Variants in ERBB4 observed in about 807,000 individuals in gnomAD.
The protein encoded by ERBB4 is erb-b2 receptor tyrosine kinase 4.
In ERBB4, 42 loss-of-function variants were observed where a neutral mutation model predicts 158.0. That is an observed-to-expected ratio of 0.27 (90% CI 0.21 to 0.34). The LOEUF is 0.34. Among genes scored for constraint, ERBB4 ranks in the 10% least tolerant of loss-of-function variants. The probability of loss-of-function intolerance (pLI) is 1.00; values close to 1 mark genes in which losing one functional copy is unlikely to be tolerated. For synonymous variants in ERBB4, 583 were observed against 558.7 expected (o/e 1.04, Z -0.61); for missense variants, 1,333 against 1,624.1 (o/e 0.82, Z 3.08).
intron 19 of ERBB4, among the ~76,000 whole-genome samples, chr2:211,613,142 G>C (rs2069262995): frequency 6.6e-6 from 1 of 152,002 alleles, no homozygotes; most frequent in South Asian, 2.1e-4. Flanking sequence ...GTAGTCTAGT[G>C]AGATGATCTA....
chr2:212,170,103 A>G (rs1230214094), intron 1 of ERBB4, among the ~76,000 whole-genome samples: 1 of 152,196 alleles, frequency 6.6e-6, no homozygotes, highest in Non-Finnish European at 1.5e-5. Flanking sequence ...CCAAAAGAAT[A>G]CAGGAAACTA....
intron 1 of ERBB4, among the ~76,000 whole-genome samples, chr2:212,483,163 G>A (rs146084666): frequency 1.3e-5 from 2 of 152,288 alleles, no homozygotes; most frequent in South Asian, 2.1e-4. Flanking sequence ...AGCAAAGGTC[G>A]TACCATCTGC....
chr2:211,831,522 G>A (rs1397457875), intron 3 of ERBB4, among the ~76,000 whole-genome samples: 1 of 152,048 alleles, frequency 6.6e-6, no homozygotes, highest in Non-Finnish European at 1.5e-5. Context: ...AAACATGACT[G>A]TTATCTAAGA....
At chr2:211,500,001 AAT>A (rs2125589362) in intron 20 of ERBB4, among the ~76,000 whole-genome samples, 1 of 152,280 alleles carries the variant, frequency 6.6e-6, no homozygotes, top group Non-Finnish European at 1.5e-5. Flanking sequence ...GAGTGATGAC[AAT>A]CACTAGCCCC....
At chr2:211,874,459 T>C (rs1269555822) in intron 3 of ERBB4, among the ~76,000 whole-genome samples, 2 of 152,214 alleles carry the variant, frequency 1.3e-5, no homozygotes, top group Admixed American at 1.3e-4. Flanking sequence ...CTTGTGTAAT[T>C]ATTTAATGCT....
chr2:212,129,745 C>T (rs1427121075), intron 1 of ERBB4, among the ~76,000 whole-genome samples: 1 of 151,822 alleles, frequency 6.6e-6, no homozygotes, highest in South Asian at 2.1e-4. Context: ...AAAAAAAGAT[C>T]CTCCAAAAAA....
intron 1 of ERBB4, among the ~76,000 whole-genome samples, chr2:212,171,353 T>A (rs1247344123): frequency 6.6e-6 from 1 of 152,036 alleles, no homozygotes; most frequent in Non-Finnish European, 1.5e-5. Flanking sequence ...TACAGGCTTA[T>A]AGGCAGAGTA....
At chr2:212,260,225 A>T (rs1026187718) in intron 1 of ERBB4, among the ~76,000 whole-genome samples, 2 of 152,124 alleles carry the variant, frequency 1.3e-5, no homozygotes, top group African/African-American at 2.4e-5. Context: ...GAGTATGGGG[A>T]TATGGTATGC....
rs192095031 is a variant in ERBB4, at chr2:212,384,416, G to C, written c.82+154033C>G. 2.9e-4 allele frequency among the ~76,000 whole-genome samples: 43 copies of C among 147,242 alleles called. No homozygotes were observed. The East Asian group carries it at 7.8e-3, about 27-fold the overall frequency. ...TTCTCTCTCCTTCTTGTGACGGAGA[G>C]AGTATATAAGAAAAGGGGCTCTTTG... On this transcript the variant is annotated intron_variant, in intron 1 of 27. Coordinates refer to ENST00000342788, the MANE Select transcript of ERBB4 (RefSeq NM_005235.3).
chr2:211,528,912 T>G (rs1242506680), intron 20 of ERBB4, among the ~76,000 whole-genome samples: 1 of 150,716 alleles, frequency 6.6e-6, no homozygotes, highest in African/African-American at 2.4e-5. Flanking sequence ...GAGGCAAAAC[T>G]TCAAGAAAAT....
At chr2:211,709,235 G>GCA (rs2073574808) in intron 9 of ERBB4, among the ~76,000 whole-genome samples, 27 of 103,206 alleles carry the variant, frequency 2.6e-4, no homozygotes, top group Admixed American at 2.5e-3. Context: ...GCGTGTGTGT[G>GCA]TATATATATA....
At chr2:211,599,344 T>G (rs2068729324) in intron 19 of ERBB4, among the ~76,000 whole-genome samples, 1 of 152,170 alleles carries the variant, frequency 6.6e-6, no homozygotes, top group Non-Finnish European at 1.5e-5. Flanking sequence ...CAAAGAAATC[T>G]CTGAATGGAA....
intron 3 of ERBB4, among the ~76,000 whole-genome samples, chr2:211,810,214 T>C (rs2076717361): frequency 6.6e-6 from 1 of 152,220 alleles, no homozygotes; most frequent in Non-Finnish European, 1.5e-5. Context: ...ATCTGCTCAG[T>C]GCAGAGCTGA....
chr2:212,446,170 T>C (rs534021128), intron 1 of ERBB4, among the ~76,000 whole-genome samples: 19 of 152,154 alleles, frequency 1.2e-4, no homozygotes, highest in Non-Finnish European at 2.2e-4. Flanking sequence ...AGCAGATCTG[T>C]ATGGGTTCAA....
intron 1 of ERBB4, among the ~76,000 whole-genome samples, chr2:212,166,812 G>C (rs370745412): frequency 6.6e-6 from 1 of 151,932 alleles, no homozygotes; most frequent in Non-Finnish European, 1.5e-5. Context: ...TCTGATCTTC[G>C]ACAAATCTCA....
intron 1 of ERBB4, among the ~76,000 whole-genome samples, chr2:212,307,218 A>T (rs2086842409): frequency 6.6e-6 from 1 of 151,148 alleles, no homozygotes; most frequent in Admixed American, 6.6e-5. Context: ...GACCTTTCAG[A>T]TCCCCATTAG....
intron 2 of ERBB4, among the ~76,000 whole-genome samples, chr2:212,002,978 G>A (rs897168602): frequency 2.0e-5 from 3 of 151,012 alleles, no homozygotes; most frequent in Non-Finnish European, 4.4e-5. Flanking sequence ...AGAATTGCTT[G>A]AACCCGGGAG....
At chr2:211,743,764 T>A (rs534053699) in intron 5 of ERBB4, among the ~76,000 whole-genome samples, 43 of 152,300 alleles carry the variant, frequency 2.8e-4, no homozygotes, top group African/African-American at 9.1e-4. Context: ...TCAATTTACT[T>A]AAGCTGTGCT....
At chr2:211,627,550 T>C (rs541515378) in intron 17 of ERBB4, among the ~76,000 whole-genome samples, 2 of 152,342 alleles carry the variant, frequency 1.3e-5, no homozygotes, top group East Asian at 1.9e-4. Flanking sequence ...CTAGATTTGA[T>C]TTCTGGGTAA....
Sources: allele counts gnomAD v4.1 joint callset (sites outside exome capture counted in the v4.1 genomes callset), GRCh38; gene constraint gnomAD v4.1.1; transcripts MANE v1.5; gene names NCBI Gene and HGNC (gene_info 2026-07-23, HGNC 2026-07-21).